Variants in TBC1D2 observed in about 807,000 individuals in gnomAD.
The protein encoded by TBC1D2 is TBC1 domain family member 2A.
TBC1D2 carries 58 observed loss-of-function variants against 91.1 expected under a neutral mutation model. The observed-to-expected ratio is 0.64, with a 90% CI of 0.52 to 0.79. The LOEUF (loss-of-function observed/expected upper bound fraction) is 0.79. TBC1D2 is among the 30% of genes least tolerant of loss of function. TBC1D2 has a pLI of 0.00. For missense variants in TBC1D2, 1,080 were observed against 1,208.3 expected (o/e 0.89, Z 1.57); for synonymous variants, 482 against 511.5 (o/e 0.94, Z 0.78).
intron 1 of TBC1D2, among the ~76,000 whole-genome samples, chr9:98,252,587 C>A (rs1360928687): frequency 6.6e-6 from 1 of 152,196 alleles, no homozygotes; most frequent in East Asian, 1.9e-4. Context: ...CTCCTGGATT[C>A]TTCAGGAGGG....
In TBC1D2 at chr9:98,199,359, G is replaced by A. The variant is rs780106275; in HGVS notation, c.*22C>T. 4 of 1,611,970 alleles carry A rather than the reference G, an allele frequency of 2.5e-6. No individual in the cohort carries two copies. Among genetic ancestry groups the A allele is most frequent in the Admixed American group, 1.7e-5 (1 of 60,012 alleles). On this transcript the variant is annotated 3_prime_UTR_variant, in exon 13 of 13. Transcript: ENST00000465784. ...CTGCCAGCCAAGGGTGAGGAAGGCT[G>A]TGGGGAGGGGAGGTGGCCAAGTCAG...
intron 4 of TBC1D2, among the ~76,000 whole-genome samples, chr9:98,229,824 T>G (rs923441698): frequency 3.3e-5 from 5 of 152,356 alleles, no homozygotes; most frequent in Admixed American, 3.3e-4. Context: ...AAAGCTTTAT[T>G]AGAACACGGC....
chr9:98,253,060 A>G (rs1829904172), intron 1 of TBC1D2, among the ~76,000 whole-genome samples: 1 of 152,188 alleles, frequency 6.6e-6, no homozygotes, highest in African/African-American at 2.4e-5. Flanking sequence ...GATGAGCTCC[A>G]GCCGAACCCA....
intron 1 of TBC1D2, among the ~76,000 whole-genome samples, chr9:98,253,204 C>A (rs1021341147): frequency 6.6e-6 from 1 of 152,190 alleles, no homozygotes; most frequent in African/African-American, 2.4e-5. Flanking sequence ...TTGAGAGTCT[C>A]CTGCAGGGGA....
rs1828813994 is a variant in TBC1D2 at position 98,210,757 on chromosome 9, T to C, written c.1572A>G (p.Glu524=). Residue 524 remains glutamate, a synonymous_variant, in exon 8 of 13, where the codon GAA becomes GAG. Coordinates refer to ENST00000465784, the MANE Select transcript of TBC1D2 (RefSeq NM_001267571.2). ...TCAGCAGCTCTGAGCACTCGCTGGC[T>C]TCGTCCCCCAGGGCCTCCTGCAGCC... ...LRRLQEALGD[E]ASECSELLRQ... 6.4e-7 allele frequency: 1 copy of C among 1,570,238 alleles called. No homozygotes were observed. The highest frequency in any genetic ancestry group is 2.4e-5 in the East Asian group (1 of 41,912).
intron 5 of TBC1D2, among the ~76,000 whole-genome samples, chr9:98,225,412 G>T (rs1317344434): frequency 6.6e-6 from 1 of 152,214 alleles, no homozygotes; most frequent in Non-Finnish European, 1.5e-5. Flanking sequence ...GGGTACACAG[G>T]GAGTGCATTC....
chr9:98,230,256 T>G (rs1162095157), intron 4 of TBC1D2, among the ~76,000 whole-genome samples: 2 of 152,188 alleles, frequency 1.3e-5, no homozygotes, highest in African/African-American at 4.8e-5. Flanking sequence ...AGAAAATATG[T>G]TTTTAGTCTT....
chr9:98,203,464 G>C (rs1164011084), intron 9 of TBC1D2, 56 bp from the exon 10 acceptor site: 11 of 1,601,876 alleles, frequency 6.9e-6, no homozygotes, highest in Middle Eastern at 2.0e-4. Flanking sequence ...CTGCCAGGCA[G>C]CACATGGCAG....
chr9:98,201,394 C>T (rs981026551), intron 11 of TBC1D2, 85 bp downstream of exon 11: 77 of 1,286,208 alleles, frequency 6.0e-5, no homozygotes, highest in South Asian at 4.4e-4. Flanking sequence ...CATTGTCTTC[C>T]CATTCTCCAG....
At chr9:98,223,985 G>A (rs1382416167) in intron 5 of TBC1D2, among the ~76,000 whole-genome samples, 1 of 152,086 alleles carries the variant, frequency 6.6e-6, no homozygotes, top group Non-Finnish European at 1.5e-5. Flanking sequence ...GGATCACGAG[G>A]TCAGGAGATC....
intron 6 of TBC1D2, among the ~76,000 whole-genome samples, chr9:98,214,831 T>TC (rs957443668): frequency 6.6e-6 from 1 of 152,066 alleles, no homozygotes; most frequent in African/African-American, 2.4e-5. Flanking sequence ...GGGCCTCTGC[T>TC]CCCAGGGGAG....
At chr9:98,241,415 A>G (rs1182699152) in intron 3 of TBC1D2, among the ~76,000 whole-genome samples, 1 of 152,168 alleles carries the variant, frequency 6.6e-6, no homozygotes, top group East Asian at 1.9e-4. Flanking sequence ...GTGAGTTCCA[A>G]GACCAGCCAG....
At position 98,232,340 on chromosome 9, in the gene TBC1D2, C is replaced by CTTTTTTTTTTTTTTTTTTT. The variant is rs1554754378; in HGVS notation, c.781+1075_781+1076insAAAAAAAAAAAAAAAAAAA. ...TTTTTCTTTTCTTCTTTCTCTTTTT[C>CTTTTTTTTTTTTTTTTTTT]TGTTTTTTTTTTTGACAGTGTCTCA... On this transcript the variant is annotated intron_variant, in intron 4 of 12. Transcript: ENST00000465784. Among the ~76,000 whole-genome samples, 28 of 52,032 alleles carry CTTTTTTTTTTTTTTTTTTT rather than the reference C, an allele frequency of 5.4e-4. 1 individual carries two copies. The highest frequency in any genetic ancestry group is 1.1e-3 in the African/African-American group (7 of 6,220). 34.1% of individuals were successfully genotyped at this position (52,032 alleles called of 152,430 possible).
At chr9:98,232,689 A>G (rs1216580188) in intron 4 of TBC1D2, among the ~76,000 whole-genome samples, 1 of 152,144 alleles carries the variant, frequency 6.6e-6, no homozygotes, top group African/African-American at 2.4e-5. Flanking sequence ...GACATGTCCC[A>G]AGTACTCTTC....
chr9:98,244,200 T>A, intron 2 of TBC1D2, 71 bp from the exon 3 acceptor site: 1 of 1,579,834 alleles, frequency 6.3e-7, no homozygotes, highest in Non-Finnish European at 8.6e-7. Context: ...GGTGGGATGC[T>A]ATGGGTGCAG....
chr9:98,213,255 T>C lies in TBC1D2; in HGVS notation c.1375-37A>G, dbSNP rs1828894682. On this transcript the variant is annotated intron_variant, in intron 6 of 12. Coordinates refer to ENST00000465784, the MANE Select transcript of TBC1D2 (RefSeq NM_001267571.2). ...AGTAAAATATGTTATCAGTTGGACA[T>C]AAACATCTCCCTGGTCCTGGGGAGT... The C allele has an allele frequency of 3.7e-6, 6 of 1,612,346 alleles. 1 individual carries two copies. The Admixed American group carries it at 1.0e-4, about 27-fold the overall frequency.
In TBC1D2 at chr9:98,203,311, A is replaced by T. The variant is rs772654872; in HGVS notation, c.2248T>A (p.Cys750Ser). The T allele has an allele frequency of 8.7e-6, 14 of 1,614,140 alleles. No homozygotes were observed. Among genetic ancestry groups the T allele is most frequent in the African/African-American group, 1.3e-5 (1 of 74,950 alleles). Reference protein sequence around the residue: ...VETIMPADYYCNTLTASQVDQ... With the variant: ...VETIMPADYYSNTLTASQVDQ... ...ACCTGGGATGCCGTCAGCGTGTTGC[A>T]GTAGTAATCAGCGGGCATGATGGTC... Residue 750 changes from cysteine to serine, a missense_variant, in exon 10 of 13, where the codon TGC (cysteine) becomes AGC (serine). Cys to Ser is a moderately radical substitution (Grantham distance 112, BLOSUM62 -1). Coordinates refer to ENST00000465784, the MANE Select transcript of TBC1D2 (RefSeq NM_001267571.2).
chr9:98,216,760 A>G (rs1310392506), intron 6 of TBC1D2, among the ~76,000 whole-genome samples: 1 of 152,148 alleles, frequency 6.6e-6, no homozygotes, highest in African/African-American at 2.4e-5. Flanking sequence ...GCTGGAATGC[A>G]ATGGCATGAT....
chr9:98,201,508 A>G lies in TBC1D2; in HGVS notation c.2428T>C (p.Trp810Arg), dbSNP rs1828501626. The G allele has an allele frequency of 6.2e-7, 1 of 1,613,972 alleles. No homozygotes were observed. Among genetic ancestry groups the G allele is most frequent in the South Asian group, 1.1e-5 (1 of 91,072 alleles). ...SLISNILLRV[W>R]DAFLYEGTKV... ...GTCCCCTCGTACAGGAAGGCATCCC[A>G]GACCCGAAGGAGGATGTTGCTAATG... Residue 810 changes from tryptophan (W) to arginine (R), a missense_variant, in exon 11 of 13, where the codon TGG becomes CGG. Transcript: ENST00000465784.
Sources: allele counts gnomAD v4.1 joint callset (sites outside exome capture counted in the v4.1 genomes callset), GRCh38; gene constraint gnomAD v4.1.1; transcripts MANE v1.5; gene names NCBI Gene and HGNC (gene_info 2026-07-23, HGNC 2026-07-21).